PEBP4: variants seen among roughly 807,000 people sequenced by gnomAD.
PEBP4 encodes the protein phosphatidylethanolamine binding protein 4.
A neutral mutation model predicts 23.9 loss-of-function variants in PEBP4; 22 were observed. That is an observed-to-expected ratio of 0.92 (90% confidence interval 0.66 to 1.31). The LOEUF is 1.31. Ranked by LOEUF, PEBP4 falls within the 40% of genes most tolerant of loss-of-function variation. The pLI is 0.00. For missense variants in PEBP4, 324 were observed against 281.7 expected, an observed-to-expected ratio of 1.15 and a Z score of -1.07; for synonymous variants, 112 against 99.3, an observed-to-expected ratio of 1.13 and a Z score of -0.76.
chr8:22,766,712 A>T (rs925210682), intron 4 of PEBP4, among the ~76,000 whole-genome samples: 1 of 152,178 alleles, frequency 6.6e-6, no homozygotes, highest in African/African-American at 2.4e-5. Flanking sequence ...AATGGAATCC[A>T]ATATGAAGAT....
intron 4 of PEBP4, among the ~76,000 whole-genome samples, chr8:22,766,227 G>A (rs913044977): frequency 4.6e-5 from 7 of 152,206 alleles, no homozygotes; most frequent in African/African-American, 1.4e-4. Context: ...TCAGGGTCGG[G>A]TAGACCCGGC....
intron 2 of PEBP4, among the ~76,000 whole-genome samples, chr8:22,920,954 A>G (rs369994859): frequency 3.3e-5 from 5 of 152,242 alleles, no homozygotes; most frequent in Non-Finnish European, 7.3e-5. Flanking sequence ...TGAATGAACC[A>G]GTTCATGTAT....
chr8:22,791,907 A>G (rs976665561), intron 4 of PEBP4, among the ~76,000 whole-genome samples: 3 of 151,662 alleles, frequency 2.0e-5, no homozygotes, highest in African/African-American at 7.3e-5. Flanking sequence ...CCCAGGCTGG[A>G]CTGCAGTGGT....
At chr8:22,792,913 G>T (rs534152275) in intron 4 of PEBP4, among the ~76,000 whole-genome samples, 1 of 152,182 alleles carries the variant, frequency 6.6e-6, no homozygotes, top group Non-Finnish European at 1.5e-5. Flanking sequence ...CTTGGAGTGG[G>T]ACCCTTACCT....
At chr8:22,776,152 T>C (rs1354427729) in intron 4 of PEBP4, among the ~76,000 whole-genome samples, 1 of 152,134 alleles carries the variant, frequency 6.6e-6, no homozygotes, top group Non-Finnish European at 1.5e-5. Flanking sequence ...AGCGGTTTCT[T>C]TGAAGAACAG....
intron 3 of PEBP4, among the ~76,000 whole-genome samples, chr8:22,910,572 G>A (rs1808917339): frequency 6.6e-6 from 1 of 152,240 alleles, no homozygotes; most frequent in Non-Finnish European, 1.5e-5. Context: ...ATTCTCAGAA[G>A]AGAAGCTTAG....
intron 4 of PEBP4, among the ~76,000 whole-genome samples, chr8:22,810,454 A>C (rs1042773114): frequency 6.6e-6 from 1 of 151,984 alleles, no homozygotes; most frequent in African/African-American, 2.4e-5. Flanking sequence ...GCTTCCTAAG[A>C]GCATCTGCTC....
intron 2 of PEBP4, among the ~76,000 whole-genome samples, chr8:22,924,099 A>C (rs554995561): frequency 6.6e-6 from 1 of 152,298 alleles, no homozygotes; most frequent in African/African-American, 2.4e-5. Flanking sequence ...ATGGCAGTGC[A>C]TGCCTGTAAT....
At chr8:22,813,226 C>T (rs151152445) in intron 4 of PEBP4, among the ~76,000 whole-genome samples, 19 of 152,330 alleles carry the variant, frequency 1.2e-4, no homozygotes, top group Non-Finnish European at 2.5e-4. Context: ...GTTGCATTTA[C>T]AGTTGCCAAA....
intron 3 of PEBP4, among the ~76,000 whole-genome samples, chr8:22,837,166 T>C (rs527918289): frequency 3.3e-5 from 5 of 152,342 alleles, no homozygotes; most frequent in African/African-American, 1.2e-4. Context: ...CCATCCTTTC[T>C]GACACCCTTG....
intron 4 of PEBP4, among the ~76,000 whole-genome samples, chr8:22,767,138 G>A (rs1462555437): frequency 6.6e-6 from 1 of 152,234 alleles, no homozygotes; most frequent in African/African-American, 2.4e-5. Flanking sequence ...TGACCCTGGG[G>A]CTGCTTCATA....
chr8:22,841,689 G>T (rs2128765719), intron 3 of PEBP4, among the ~76,000 whole-genome samples: 1 of 152,354 alleles, frequency 6.6e-6, no homozygotes, highest in East Asian at 1.9e-4. Flanking sequence ...GAGAAAGTTG[G>T]CAGCCCTGTG....
At chr8:22,849,122 G>A (rs1179510103) in intron 3 of PEBP4, among the ~76,000 whole-genome samples, 1 of 152,098 alleles carries the variant, frequency 6.6e-6, no homozygotes, top group Non-Finnish European at 1.5e-5. Flanking sequence ...AGAATGGCTG[G>A]GTAAGGTCAC....
At chr8:22,792,972 C>T (rs1806171259) in intron 4 of PEBP4, among the ~76,000 whole-genome samples, 3 of 152,050 alleles carry the variant, frequency 2.0e-5, no homozygotes, top group African/African-American at 7.3e-5. Context: ...AATTATCTTG[C>T]CCAGCAATTT....
intron 3 of PEBP4, among the ~76,000 whole-genome samples, chr8:22,910,616 T>G (rs1049836499): frequency 2.6e-5 from 4 of 152,336 alleles, no homozygotes; most frequent in African/African-American, 9.6e-5. Flanking sequence ...TTGGCAACGA[T>G]GGACAGGGTT....
chr8:22,845,210 G>A (rs1807404600), intron 3 of PEBP4, among the ~76,000 whole-genome samples: 1 of 152,058 alleles, frequency 6.6e-6, no homozygotes, highest in Non-Finnish European at 1.5e-5. Context: ...GGGCTGCCTG[G>A]GAGTGAGGGT....
intron 4 of PEBP4, among the ~76,000 whole-genome samples, chr8:22,816,203 T>C (rs10503720): frequency 0.82 from 124,884 of 152,182 alleles, 51,647 homozygotes; most frequent in East Asian, 1. Context: ...TGTGTGTTTA[T>C]GGTGTTTGGC....
chr8:22,911,351 A>G (rs1808935106), intron 3 of PEBP4, among the ~76,000 whole-genome samples: 1 of 152,048 alleles, frequency 6.6e-6, no homozygotes. Context: ...AGCCCCCAGC[A>G]GCTGCTGCAG....
At chr8:22,848,347 G>C (rs1807482436) in intron 3 of PEBP4, among the ~76,000 whole-genome samples, 3 of 152,148 alleles carry the variant, frequency 2.0e-5, no homozygotes, top group South Asian at 2.1e-4. Flanking sequence ...AGGGTTGTCT[G>C]CCTGCCGAGA....
Sources: allele counts gnomAD v4.1 joint callset (sites outside exome capture counted in the v4.1 genomes callset), GRCh38; gene constraint gnomAD v4.1.1; transcripts MANE v1.5; gene names NCBI Gene and HGNC (gene_info 2026-07-23, HGNC 2026-07-21).